Variants in RNF13 observed in about 807,000 individuals in gnomAD.
The protein encoded by RNF13 is E3 ubiquitin-protein ligase RNF13.
In RNF13, 19 loss-of-function variants were observed where a neutral mutation model predicts 37.7. The observed-to-expected ratio is 0.50, with a 90% confidence interval of 0.35 to 0.74. The LOEUF (loss-of-function observed/expected upper bound fraction) is 0.74, where lower values mean the gene tolerates loss of function less well. Ranked by LOEUF, RNF13 falls within the 30% of genes least tolerant of loss-of-function variation. The pLI is 0.01. For missense variants in RNF13, 375 were observed against 453.0 expected, an observed-to-expected ratio of 0.83 and a Z score of 1.56; for synonymous variants, 144 against 157.8, an observed-to-expected ratio of 0.91 and a Z score of 0.65.
chr3:149,827,545 T>C (rs1026150081), intron 1 of RNF13, among the ~76,000 whole-genome samples: 2 of 152,186 alleles, frequency 1.3e-5, no homozygotes, highest in African/African-American at 4.8e-5. Flanking sequence ...TAATACATTA[T>C]AGGCACTCTT....
intron 1 of RNF13, among the ~76,000 whole-genome samples, chr3:149,831,218 C>G (rs1721005221): frequency 6.6e-6 from 1 of 152,208 alleles, no homozygotes; most frequent in South Asian, 2.1e-4. Context: ...GAGAAGCAGG[C>G]CACTGTTCTC....
chr3:149,956,186 A>G (rs905028637), intron 8 of RNF13, among the ~76,000 whole-genome samples: 10 of 152,146 alleles, frequency 6.6e-5, no homozygotes, highest in African/African-American at 9.7e-5. Flanking sequence ...GCATGATGTG[A>G]TATTTCATTT....
At chr3:149,927,892 CAGTT>C (rs758529768) in intron 8 of RNF13, among the ~76,000 whole-genome samples, 23 of 151,820 alleles carry the variant, frequency 1.5e-4, no homozygotes, top group Middle Eastern at 6.8e-3. Flanking sequence ...CCCATTCTGT[CAGTT>C]GTCACTTTCT....
chr3:149,816,187 A>C (rs1263934556), intron 1 of RNF13, among the ~76,000 whole-genome samples: 1 of 151,952 alleles, frequency 6.6e-6, no homozygotes, highest in African/African-American at 2.4e-5. Flanking sequence ...GGTGTGATAC[A>C]TCATGCCTGT....
chr3:149,846,157 T>G lies in RNF13; in HGVS notation c.114+17T>G. ...ATTTTAGCAGTAAGTACAGTAAAAT[T>G]TATTCATGTCTAGAAACATCCCTTA... On this transcript the variant is annotated intron_variant, in intron 2 of 9. Coordinates refer to ENST00000392894, the MANE Select transcript of RNF13 (RefSeq NM_183381.3). The G allele has an allele frequency of 4.1e-6, 6 of 1,481,264 alleles. No individual in the cohort carries two copies. The highest frequency in any genetic ancestry group is 5.6e-6 in the Non-Finnish European group (6 of 1,063,892). The allele number at this position is 1,481,264 out of a possible 1,614,324, so 91.8% of individuals were successfully genotyped here.
chr3:149,872,290 A>G (rs1576799252), intron 4 of RNF13, 136 bp downstream of exon 4: 1 of 628,988 alleles, frequency 1.6e-6, no homozygotes, highest in East Asian at 3.0e-5. Flanking sequence ...GATTCATAGA[A>G]TAGAAATAAT....
chr3:149,870,290 C>T (rs915691549), intron 3 of RNF13, among the ~76,000 whole-genome samples: 1 of 151,320 alleles, frequency 6.6e-6, no homozygotes, highest in Admixed American at 6.6e-5. Flanking sequence ...GCAGTTGGTG[C>T]TCGGCAAAAT....
At chr3:149,880,683 AC>A (rs1713286938) in intron 4 of RNF13, among the ~76,000 whole-genome samples, 1 of 152,186 alleles carries the variant, frequency 6.6e-6, no homozygotes, top group South Asian at 2.1e-4. Context: ...TATCTTTAGT[AC>A]TAATCATGTT....
At chr3:149,920,264 C>T (rs1367280558) in intron 7 of RNF13, among the ~76,000 whole-genome samples, 1 of 152,082 alleles carries the variant, frequency 6.6e-6, no homozygotes, top group African/African-American at 2.4e-5. Context: ...GAGACAGGCC[C>T]TCACTCTGTT....
chr3:149,902,860 T>A (rs1419769208), intron 6 of RNF13, among the ~76,000 whole-genome samples: 1 of 152,072 alleles, frequency 6.6e-6, no homozygotes, highest in Non-Finnish European at 1.5e-5. Flanking sequence ...CAGCTAATAT[T>A]TATTGAGCAT....
At chr3:149,928,322 A>G (rs1488417755) in intron 8 of RNF13, among the ~76,000 whole-genome samples, 1 of 152,114 alleles carries the variant, frequency 6.6e-6, no homozygotes, top group African/African-American at 2.4e-5. Context: ...TAGGTCTTTT[A>G]TCAATTTAGA....
At chr3:149,838,434 G>A (rs1012050218) in intron 1 of RNF13, among the ~76,000 whole-genome samples, 16 of 152,234 alleles carry the variant, frequency 1.1e-4, no homozygotes, top group African/African-American at 3.9e-4. Context: ...CTTTTGACTG[G>A]GGATCCAGGC....
intron 6 of RNF13, among the ~76,000 whole-genome samples, chr3:149,911,021 C>G (rs1173792747): frequency 6.6e-6 from 1 of 152,162 alleles, no homozygotes; most frequent in Non-Finnish European, 1.5e-5. Context: ...CACCTTACAA[C>G]ATACACATTT....
At chr3:149,863,683 A>C (rs970882214) in intron 3 of RNF13, among the ~76,000 whole-genome samples, 1 of 152,140 alleles carries the variant, frequency 6.6e-6, no homozygotes, top group African/African-American at 2.4e-5. Flanking sequence ...CCCGGGCTAC[A>C]TTTGTTCATA....
chr3:149,916,287 C>T (rs1717500087), intron 7 of RNF13, among the ~76,000 whole-genome samples: 1 of 152,114 alleles, frequency 6.6e-6, no homozygotes, highest in Non-Finnish European at 1.5e-5. Flanking sequence ...TATTCATATA[C>T]TCAAATAACA....
intron 4 of RNF13, among the ~76,000 whole-genome samples, chr3:149,890,647 C>T (rs1714601287): frequency 6.6e-6 from 1 of 152,206 alleles, no homozygotes; most frequent in Admixed American, 6.5e-5. Context: ...AGAGTCTGTA[C>T]TTTTAACTAA....
At chr3:149,953,426 T>C (rs1721533373) in intron 8 of RNF13, among the ~76,000 whole-genome samples, 1 of 152,218 alleles carries the variant, frequency 6.6e-6, no homozygotes, top group Non-Finnish European at 1.5e-5. Context: ...ATTCTAGAAA[T>C]GTTTATAAAA....
chr3:149,906,094 T>C (rs1716359206), intron 6 of RNF13, among the ~76,000 whole-genome samples: 1 of 152,198 alleles, frequency 6.6e-6, no homozygotes, highest in African/African-American at 2.4e-5. Context: ...TCATATAATA[T>C]TTTATGATTT....
At chr3:149,902,198 AT>A in intron 6 of RNF13, 36 bp downstream of exon 6, 1 of 974,544 alleles carries the variant, frequency 1.0e-6, no homozygotes, top group Non-Finnish European at 1.6e-6. Flanking sequence ...GTTGCTTAAA[AT>A]TCTTCTTTAT....
Sources: allele counts gnomAD v4.1 joint callset (sites outside exome capture counted in the v4.1 genomes callset), GRCh38; gene constraint gnomAD v4.1.1; transcripts MANE v1.5; gene names NCBI Gene and HGNC (gene_info 2026-07-23, HGNC 2026-07-21).